Variants in IMPG1 observed in about 807,000 individuals in gnomAD.
IMPG1 encodes interphotoreceptor matrix proteoglycan of 150 kDa.
Under a neutral mutation model 92.0 loss-of-function variants are expected in IMPG1, and 85 were observed. The ratio of observed to expected loss-of-function variants is 0.92; its 90% CI spans 0.78 to 1.11. The LOEUF (loss-of-function observed/expected upper bound fraction) is 1.11, where lower values mean the gene tolerates loss of function less well. Ranked by LOEUF, IMPG1 falls within the 50% of genes least tolerant of loss-of-function variation. IMPG1 has a pLI of 0.00. For synonymous variants in IMPG1, 367 were observed against 334.1 expected, an observed-to-expected ratio of 1.10 and a Z score of -1.08; for missense variants, 1,022 against 956.0, an observed-to-expected ratio of 1.07 and a Z score of -0.91.
At chr6:75,994,052 C>T (rs139127188) in intron 12 of IMPG1, among the ~76,000 whole-genome samples, 8 of 152,272 alleles carry the variant, frequency 5.3e-5, no homozygotes, top group African/African-American at 1.7e-4. Flanking sequence ...AGCACTTCAG[C>T]TAGAGTTAGC....
At chr6:75,958,953 G>A (rs1372523781) in intron 12 of IMPG1, among the ~76,000 whole-genome samples, 4 of 151,956 alleles carry the variant, frequency 2.6e-5, no homozygotes, top group African/African-American at 9.7e-5. Flanking sequence ...AAGAGAATAG[G>A]CATTCTGATT....
intron 12 of IMPG1, among the ~76,000 whole-genome samples, chr6:76,002,029 G>T (rs1440561450): frequency 2.0e-5 from 3 of 152,172 alleles, no homozygotes; most frequent in Non-Finnish European, 4.4e-5. Flanking sequence ...CTTGTAGAAT[G>T]TAGAGACCTC....
intron 2 of IMPG1, among the ~76,000 whole-genome samples, chr6:76,035,439 C>T (rs1173884811): frequency 2.3e-5 from 3 of 132,802 alleles, no homozygotes; most frequent in African/African-American, 2.9e-5. Context: ...GCGGAGGTTG[C>T]GGTGAGCCGA....
intron 15 of IMPG1, among the ~76,000 whole-genome samples, chr6:75,930,453 G>T (rs1036308315): frequency 6.6e-6 from 1 of 152,060 alleles, no homozygotes; most frequent in African/African-American, 2.4e-5. Flanking sequence ...ATATAAACAG[G>T]AACACCAAAA....
At chr6:75,930,364 T>G (rs1781642255) in intron 15 of IMPG1, among the ~76,000 whole-genome samples, 2 of 152,214 alleles carry the variant, frequency 1.3e-5, no homozygotes, top group African/African-American at 4.8e-5. Flanking sequence ...TTTAGAAAAT[T>G]CCTTATAAAT....
intron 1 of IMPG1, among the ~76,000 whole-genome samples, chr6:76,065,832 G>A (rs1784299994): frequency 1.3e-5 from 2 of 151,998 alleles, no homozygotes; most frequent in Admixed American, 1.3e-4. Flanking sequence ...CAAGAGAAAA[G>A]CCTCTAATCA....
At chr6:76,043,492 G>A (rs1242673089) in intron 1 of IMPG1, among the ~76,000 whole-genome samples, 2 of 152,074 alleles carry the variant, frequency 1.3e-5, no homozygotes, top group African/African-American at 4.8e-5. Flanking sequence ...TGTTCCTCTT[G>A]GGCAGAGGTA....
chr6:76,022,272 A>G, intron 5 of IMPG1, 53 bp from the exon 6 acceptor site: 1 of 1,010,378 alleles, frequency 9.9e-7, no homozygotes, highest in Non-Finnish European at 1.5e-6. Flanking sequence ...AGGAGTTTAA[A>G]TTAGAACGAG....
intron 8 of IMPG1, 145 bp from the exon 9 acceptor site, chr6:76,007,645 G>T: frequency 3.5e-6 from 2 of 566,978 alleles, no homozygotes; most frequent in Non-Finnish European, 6.0e-6. Flanking sequence ...AGCTTTGAAA[G>T]ATTCATATAA....
At chr6:76,013,363 C>T (rs981738673) in intron 7 of IMPG1, among the ~76,000 whole-genome samples, 1 of 152,056 alleles carries the variant, frequency 6.6e-6, no homozygotes, top group Non-Finnish European at 1.5e-5. Flanking sequence ...TGTTCCTTCC[C>T]ACATACAATA....
At chr6:76,069,035 G>GAT (rs1784360452) in intron 1 of IMPG1, among the ~76,000 whole-genome samples, 2 of 152,104 alleles carry the variant, frequency 1.3e-5, no homozygotes, top group Admixed American at 6.6e-5. Context: ...GATATAAAAA[G>GAT]ATATATATAG....
chr6:75,952,004 C>T lies in IMPG1; in HGVS notation c.1292-910G>A, dbSNP rs117231403. ...AACCTTTGCCACAGTTACATTATTA[C>T]GCTCTGACAATTTCTACCACCATTT... On this transcript the variant is annotated intron_variant, in intron 12 of 16. Coordinates refer to ENST00000369950, the MANE Select transcript of IMPG1 (RefSeq NM_001563.4). 4.3e-3 allele frequency among the ~76,000 whole-genome samples: 658 copies of T among 152,178 alleles called. 15 individuals are homozygous for T. In the East Asian group the frequency reaches 0.054, roughly 13 times the overall value.
At chr6:75,931,897 G>T (rs1360410990) in intron 14 of IMPG1, among the ~76,000 whole-genome samples, 1 of 152,144 alleles carries the variant, frequency 6.6e-6, no homozygotes, top group Non-Finnish European at 1.5e-5. Context: ...GCCCCTGTTT[G>T]CCCTTCCTTA....
Position 76,011,157 on chromosome 6 carries a change from CT to C in IMPG1, c.866+8del. 7.1e-7 allele frequency: 1 copy of C among 1,412,486 alleles called. No individual in the cohort carries two copies. The allele number at this position is 1,412,486 out of a possible 1,614,324, so 87.5% of individuals were successfully genotyped here. Reference sequence around the variant, plus strand: ...TAAAAATTGAGAAGAGTTTGATTCTCTTACTTACCTAAATCCTAACACATGG... The same window carrying C: ...TAAAAATTGAGAAGAGTTTGATTCTCTACTTACCTAAATCCTAACACATGG... On this transcript the variant is annotated splice_region_variant and intron_variant, in intron 8 of 16. Coordinates refer to ENST00000369950, the MANE Select transcript of IMPG1 (RefSeq NM_001563.4).
Position 75,960,320 on chromosome 6 carries a change from T to C in IMPG1, c.1292-9226A>G, listed in dbSNP as rs527915658. ...GACCAGAGCTGTTCCTATTCGGCCA[T>C]CTTGCCAGCCGAAAAAAAGATGTTT... On this transcript the variant is annotated intron_variant, in intron 12 of 16. Transcript: ENST00000369950. Among the ~76,000 whole-genome samples, 4 of 152,314 alleles carry C rather than the reference T, an allele frequency of 2.6e-5. No homozygotes were observed. In the East Asian group the frequency reaches 7.7e-4, roughly 29 times the overall value.
At chr6:75,922,685 T>A (rs1273250718) in intron 16 of IMPG1, among the ~76,000 whole-genome samples, 1 of 152,226 alleles carries the variant, frequency 6.6e-6, no homozygotes, top group East Asian at 1.9e-4. Context: ...TAGTTGGACA[T>A]TTTGTCAATA....
chr6:75,976,644 T>G (rs1214194127), intron 12 of IMPG1, among the ~76,000 whole-genome samples: 1 of 150,286 alleles, frequency 6.7e-6, no homozygotes, highest in Non-Finnish European at 1.5e-5. Context: ...AGGTGCGGTG[T>G]CTCATGCCTG....
chr6:75,922,128 T>C lies in IMPG1; in HGVS notation c.2355A>G (p.Glu785=). The part of the protein sequence containing the change: ...SKRNSELLTV[E]YEEFNHQDWE... ...AATCTTGATGGTTAAATTCTTCATA[T>C]TCTACGGTCAGTAATTCAGAATTTC... The change falls in exon 17 of 17, where the codon GAA becomes GAG. Residue 785 remains glutamate, a synonymous_variant. Transcript: ENST00000369950. 2 of 1,410,808 alleles carry C rather than the reference T, an allele frequency of 1.4e-6. No individual in the cohort carries two copies. Among genetic ancestry groups the C allele is most frequent in the South Asian group, 1.2e-5 (1 of 83,752 alleles). 87.4% of individuals were successfully genotyped at this position (1,410,808 alleles called of 1,614,324 possible). A position where few individuals can be genotyped will look rare whatever the true frequency, so the allele number is the denominator to read the frequency against.
chr6:75,965,046 T>C (rs1356093705), intron 12 of IMPG1, among the ~76,000 whole-genome samples: 1 of 152,232 alleles, frequency 6.6e-6, no homozygotes, highest in Non-Finnish European at 1.5e-5. Flanking sequence ...TCCTTTTTAT[T>C]GCTGAGTAGT....
Sources: gnomAD v4.1 joint callset for allele counts (sites outside exome capture counted in the v4.1 genomes callset) on GRCh38, gnomAD v4.1.1 for gene constraint, MANE v1.5 for transcripts, NCBI Gene and HGNC (gene_info 2026-07-23, HGNC 2026-07-21) for gene names.